Variants in PPP2R2B observed in about 807,000 individuals in gnomAD.
The protein encoded by PPP2R2B is protein phosphatase 2 regulatory subunit Bbeta, also known as serine/threonine-protein phosphatase 2A 55 kDa regulatory subunit B beta isoform.
Under a neutral mutation model 46.0 loss-of-function variants are expected in PPP2R2B, and 5 were observed. The observed-to-expected ratio is 0.11, with a 90% CI of 0.06 to 0.23. PPP2R2B has a LOEUF of 0.23. Ranked by LOEUF, PPP2R2B falls within the 10% of genes least tolerant of loss-of-function variation. PPP2R2B has a pLI of 1.00. For missense variants in PPP2R2B, 367 were observed against 575.0 expected, an observed-to-expected ratio of 0.64 and a Z score of 3.70; for synonymous variants, 215 against 206.7, an observed-to-expected ratio of 1.04 and a Z score of -0.34.
chr5:147,051,729 ACT>A (rs1475014547), intron 1 of PPP2R2B, among the ~76,000 whole-genome samples: 1 of 125,488 alleles, frequency 8.0e-6, no homozygotes, highest in Non-Finnish European at 1.7e-5. Flanking sequence ...TACTTCACTG[ACT>A]CTCTCATTTC....
At chr5:146,658,555 A>C (rs555136737) in intron 5 of PPP2R2B, among the ~76,000 whole-genome samples, 1 of 152,198 alleles carries the variant, frequency 6.6e-6, no homozygotes, top group African/African-American at 2.4e-5. Flanking sequence ...CCCTAGGAAC[A>C]GCAGTGGTGG....
intron 2 of PPP2R2B, among the ~76,000 whole-genome samples, chr5:146,739,572 A>G (rs1445960313): frequency 1.3e-5 from 2 of 152,180 alleles, no homozygotes; most frequent in Non-Finnish European, 2.9e-5. Flanking sequence ...ACATGTTCAG[A>G]ATATATTAGA....
intron 7 of PPP2R2B, among the ~76,000 whole-genome samples, chr5:146,605,749 C>G (rs573104944): frequency 9.8e-5 from 15 of 152,340 alleles, no homozygotes; most frequent in Non-Finnish European, 2.1e-4. Context: ...CCTTTCTCCC[C>G]ACTCCATTTT....
chr5:146,637,267 C>T (rs1213114604), intron 7 of PPP2R2B, among the ~76,000 whole-genome samples: 1 of 152,140 alleles, frequency 6.6e-6, no homozygotes, highest in African/African-American at 2.4e-5. Flanking sequence ...ATCAGTGGTT[C>T]TCAACTGGGA....
intron 2 of PPP2R2B, among the ~76,000 whole-genome samples, chr5:146,818,206 C>T (rs537856283): frequency 6.6e-6 from 1 of 152,118 alleles, no homozygotes; most frequent in Non-Finnish European, 1.5e-5. Context: ...ATTTTAAACT[C>T]TACGAGGGCA....
intron 2 of PPP2R2B, among the ~76,000 whole-genome samples, chr5:146,838,960 C>T (rs1170356723): frequency 6.6e-6 from 1 of 152,194 alleles, no homozygotes; most frequent in Non-Finnish European, 1.5e-5. Context: ...TGTCCATCCT[C>T]CCTGTGAGAA....
intron 1 of PPP2R2B, among the ~76,000 whole-genome samples, chr5:146,974,696 T>TG (rs1164587499): frequency 6.6e-6 from 1 of 151,864 alleles, no homozygotes; most frequent in East Asian, 1.9e-4. Flanking sequence ...AAGGAATTTT[T>TG]TTTTTTTTTT....
At chr5:146,695,107 G>A (rs1458585955) in intron 4 of PPP2R2B, among the ~76,000 whole-genome samples, 1 of 151,992 alleles carries the variant, frequency 6.6e-6, no homozygotes, top group Non-Finnish European at 1.5e-5. Context: ...CAATTGGGAA[G>A]ATATTCCTAT....
At chr5:146,645,241 T>C (rs1354101941) in intron 6 of PPP2R2B, among the ~76,000 whole-genome samples, 1 of 152,204 alleles carries the variant, frequency 6.6e-6, no homozygotes, top group Non-Finnish European at 1.5e-5. Context: ...ATTTAATCTT[T>C]GGATATTAAG....
At chr5:146,850,701 A>C (rs1760293900) in intron 2 of PPP2R2B, among the ~76,000 whole-genome samples, 5 of 151,866 alleles carry the variant, frequency 3.3e-5, no homozygotes, top group Admixed American at 3.3e-4. Flanking sequence ...CTTATTACAC[A>C]CTCTCAGAGT....
At chr5:146,874,574 T>C (rs1761791382) in intron 2 of PPP2R2B, among the ~76,000 whole-genome samples, 1 of 152,204 alleles carries the variant, frequency 6.6e-6, no homozygotes, top group African/African-American at 2.4e-5. Flanking sequence ...TCTATTGTTA[T>C]TCCCACTTTC....
At chr5:146,667,266 T>G (rs1777043213) in intron 5 of PPP2R2B, among the ~76,000 whole-genome samples, 1 of 150,708 alleles carries the variant, frequency 6.6e-6, no homozygotes, top group South Asian at 2.1e-4. Context: ...TGGATGAAGA[T>G]GAAATAACTC....
chr5:147,072,968 G>A (rs1039081390), intron 2 of PPP2R2B, among the ~76,000 whole-genome samples: 1 of 152,080 alleles, frequency 6.6e-6, no homozygotes, highest in South Asian at 2.1e-4. Flanking sequence ...TGTGGGTTGG[G>A]TGACTTACTC....
rs552897690 is a variant in PPP2R2B at position 146,635,234 on chromosome 5, G to T, written c.790+3017C>A. 3.3e-5 allele frequency among the ~76,000 whole-genome samples: 5 copies of T among 151,576 alleles called. No individual in the cohort carries two copies. In the South Asian group the frequency reaches 1.0e-3, roughly 32 times the overall value. On this transcript the variant is annotated intron_variant, in intron 7 of 9. Transcript: ENST00000394411. ...TGCAGGTACTGAGTATCAGAGCTGA[G>T]TTCTGATTCCAAAGCATCTGCTCTA...
At chr5:146,604,011 G>A (rs1186376295) in intron 7 of PPP2R2B, among the ~76,000 whole-genome samples, 1 of 152,148 alleles carries the variant, frequency 6.6e-6, no homozygotes, top group African/African-American at 2.4e-5. Flanking sequence ...ATATTAGCTA[G>A]AGTCCACAAG....
At chr5:146,719,200 C>T (rs1199270697) in intron 2 of PPP2R2B, among the ~76,000 whole-genome samples, 1 of 152,210 alleles carries the variant, frequency 6.6e-6, no homozygotes, top group Non-Finnish European at 1.5e-5. Flanking sequence ...TATTTAACCT[C>T]TCTCTCTGCC....
At chr5:146,808,305 G>A (rs984021701) in intron 2 of PPP2R2B, among the ~76,000 whole-genome samples, 9 of 152,076 alleles carry the variant, frequency 5.9e-5, no homozygotes, top group Non-Finnish European at 8.8e-5. Context: ...TGTGCCTAGC[G>A]GCTACCATGT....
In PPP2R2B at chr5:146,768,709, C is replaced by G. The variant is rs937574391; in HGVS notation, c.71-67567G>C. Among the ~76,000 whole-genome samples the G allele has an allele frequency of 2.0e-5, 3 of 152,266 alleles. No individual in the cohort carries two copies. In the East Asian group the frequency reaches 5.8e-4, roughly 29 times the overall value. On this transcript the variant is annotated intron_variant, in intron 2 of 9. Coordinates refer to ENST00000394411, the MANE Select transcript of PPP2R2B (RefSeq NM_181675.4). ...CCATCTGACATTGGGCCCACATCTC[C>G]AACTTTGACTATTATTTTCTTCCTC...
At chr5:146,833,001 C>G (rs1281272962) in intron 2 of PPP2R2B, among the ~76,000 whole-genome samples, 1 of 151,876 alleles carries the variant, frequency 6.6e-6, no homozygotes, top group Non-Finnish European at 1.5e-5. Context: ...CCTTTGCAAA[C>G]TAGATAGGGA....
Sources: gnomAD v4.1 joint callset for allele counts (sites outside exome capture counted in the v4.1 genomes callset) on GRCh38, gnomAD v4.1.1 for gene constraint, MANE v1.5 for transcripts, NCBI Gene and HGNC (gene_info 2026-07-23, HGNC 2026-07-21) for gene names.